The following NOD2 variants were observed in gnomAD, a reference collection of about 807,000 sequenced individuals.
NOD2 encodes the protein nucleotide-binding oligomerization domain-containing protein 2.
NOD2 carries 86 observed loss-of-function variants against 90.9 expected under a neutral mutation model. The observed-to-expected ratio is 0.95, with a 90% confidence interval of 0.79 to 1.13. The LOEUF (loss-of-function observed/expected upper bound fraction) is 1.13. Ranked by LOEUF, NOD2 falls within the 50% of genes most tolerant of loss-of-function variation. NOD2 has a pLI of 0.00. For missense variants in NOD2, 1,238 were observed against 1,283.8 expected, an observed-to-expected ratio of 0.96 and a Z score of 0.55; for synonymous variants, 581 against 554.6, an observed-to-expected ratio of 1.05 and a Z score of -0.67.
chr16:50,722,636 G>T lies in NOD2; in HGVS notation c.2648G>T (p.Arg883Ile), dbSNP rs1354091032. The change falls in exon 8 of 12, where the codon AGA becomes ATA. Residue 883 changes from arginine to isoleucine, a missense_variant. Arg to Ile is a moderately conservative substitution (Grantham distance 97). Coordinates refer to ENST00000647318, the MANE Select transcript of NOD2 (RefSeq NM_001370466.1). ...SLQFLGFWGN[R>I]VGDEGAQALA... ...GGCCTTTTCAGATTCTGGGGCAACAGAGTGGGTGACGAGGGGGCCCAGGCC... is the reference window on the plus strand; with the variant it reads ...GGCCTTTTCAGATTCTGGGGCAACATAGTGGGTGACGAGGGGGCCCAGGCC... 2 of 1,614,122 alleles carry T rather than the reference G, an allele frequency of 1.2e-6. No individual in the cohort carries two copies. The highest frequency in any genetic ancestry group is 1.7e-6 in the Non-Finnish European group (2 of 1,180,042).
Position 50,699,817 on chromosome 16 carries a change from CAG to C in NOD2, c.325_326del (p.His110ProfsTer29), listed in dbSNP as rs1567381106. ...PHSLHPARDL[Q>X]SHRPAIVRRL... ...CTCGCTCCACCCAGCCCGAGACCTGCAGAGTCACCGGCCAGCCATTGTCAGGA... is the reference window on the plus strand; with the variant it reads ...CTCGCTCCACCCAGCCCGAGACCTGCAGTCACCGGCCAGCCATTGTCAGGA... On this transcript the variant is annotated frameshift_variant, in exon 2 of 12. Coordinates refer to ENST00000647318, the MANE Select transcript of NOD2 (RefSeq NM_001370466.1). LOFTEE classifies it high-confidence loss of function. The C allele has an allele frequency of 6.2e-7, 1 of 1,613,708 alleles. No individual in the cohort carries two copies. Among genetic ancestry groups the C allele is most frequent in the Admixed American group, 1.7e-5 (1 of 60,026 alleles).
chr16:50,714,384 G>A (rs551601324), intron 4 of NOD2, among the ~76,000 whole-genome samples: 1 of 152,270 alleles, frequency 6.6e-6, no homozygotes, highest in Non-Finnish European at 1.5e-5. Flanking sequence ...AGTAGGTTTG[G>A]GGTGGGGCCC....
chr16:50,700,726 C>A (rs1050729504), intron 2 of NOD2, among the ~76,000 whole-genome samples: 9 of 152,216 alleles, frequency 5.9e-5, no homozygotes, highest in Non-Finnish European at 1.2e-4. Flanking sequence ...TGTACTTGTA[C>A]ACTTTTATTT....
At chr16:50,697,159 C>CA in intron 1 of NOD2, 1 of 1,145,648 alleles carries the variant, frequency 8.7e-7, no homozygotes, top group South Asian at 1.3e-5. Context: ...CCAGGCTCAC[C>CA]AGTCCTGTGC....
rs993277683 is a variant in NOD2, at chr16:50,732,727, C to G, written c.*908C>G. 6.6e-6 allele frequency: 1 copy of G among 152,372 alleles called. No individual in the cohort carries two copies. The highest frequency in any genetic ancestry group is 2.4e-5 in the African/African-American group (1 of 41,448). The allele number at this position is 152,372 out of a possible 1,614,324, so 9.4% of individuals were successfully genotyped here. On this transcript the variant is annotated 3_prime_UTR_variant, in exon 12 of 12. Coordinates refer to ENST00000647318, the MANE Select transcript of NOD2 (RefSeq NM_001370466.1). ...TTCTGGTTGATGCCTGTGAACTGAA[C>G]TCTGACAACAGACTTCTGAAATAGA...
At chr16:50,696,988 C>G (rs910950249) in intron 1 of NOD2, among the ~76,000 whole-genome samples, 3 of 152,218 alleles carry the variant, frequency 2.0e-5, no homozygotes, top group African/African-American at 2.4e-5. Context: ...TGTCTCATGT[C>G]CCCAGTGGGG....
Position 50,699,484 on chromosome 16 carries a change from C to A in NOD2, c.-8-4C>A. 6.2e-7 allele frequency: 1 copy of A among 1,612,634 alleles called. No homozygotes were observed. The highest frequency in any genetic ancestry group is 8.5e-7 in the Non-Finnish European group (1 of 1,179,770). The stretch of plus-strand genomic sequence containing the variant: ...TCCCGCACTGACCTTGTTCTCCTCC[C>A]CAGGTTGTGAAATGTGCTCGCAGGA... On this transcript the variant is annotated splice_polypyrimidine_tract_variant and splice_region_variant and intron_variant, in intron 1 of 11. Transcript: ENST00000647318.
chr16:50,730,263 C>T (rs919778973), intron 11 of NOD2, among the ~76,000 whole-genome samples: 2 of 152,182 alleles, frequency 1.3e-5, no homozygotes, highest in African/African-American at 4.8e-5. Context: ...AGACCTTCTG[C>T]GGTTCTGAAT....
chr16:50,728,653 C>T (rs1419486027), intron 10 of NOD2, among the ~76,000 whole-genome samples: 1 of 152,186 alleles, frequency 6.6e-6, no homozygotes, highest in Admixed American at 6.5e-5. Flanking sequence ...CTGGCAATTA[C>T]AATTGGCATT....
chr16:50,731,255 A>G (rs765187375), intron 11 of NOD2, among the ~76,000 whole-genome samples: 1 of 152,234 alleles, frequency 6.6e-6, no homozygotes, highest in African/African-American at 2.4e-5. Flanking sequence ...TCTGTGGCCT[A>G]TGACGTCATC....
chr16:50,716,187 C>T lies in NOD2; in HGVS notation c.2382-400C>T, dbSNP rs149096966. ...CTGACCTAGATGATGGTAAATTGTC[C>T]CCAGGGGTAGCCTGTCTAGTTCAGG... is the stretch of plus-strand genomic sequence containing the variant. On this transcript the variant is annotated intron_variant, in intron 4 of 11. Transcript: ENST00000647318. Among the ~76,000 whole-genome samples the T allele has an allele frequency of 2.1e-3, 317 of 152,306 alleles. 2 individuals are homozygous for T. Among genetic ancestry groups the T allele is most frequent in the African/African-American group, 7.2e-3 (299 of 41,556 alleles).
chr16:50,710,797 C>T lies in NOD2; in HGVS notation c.805C>T (p.Leu269=). The T allele has an allele frequency of 6.2e-7, 1 of 1,614,122 alleles. No homozygotes were observed. Among genetic ancestry groups the T allele is most frequent in the Non-Finnish European group, 8.5e-7 (1 of 1,180,036 alleles). Residue 269 remains leucine, a synonymous_variant, in exon 4 of 12, where the codon CTG becomes TTG. Transcript: ENST00000647318. ...CCTCAATGACGATGCGGACACTGTG[C>T]TGGTGGTGGGTGAGGCGGGCAGTGG... ...GHLNDDADTV[L]VVGEAGSGKS...
At chr16:50,719,860 C>A in intron 6 of NOD2, 65 bp from the exon 7 acceptor site, 1 of 1,440,476 alleles carries the variant, frequency 6.9e-7, no homozygotes, top group Non-Finnish European at 9.8e-7. Flanking sequence ...CTGGCCAGGG[C>A]ACAGACGGCC....
chr16:50,699,448 T>G (rs1963818734), intron 1 of NOD2, 40 bp from the exon 2 acceptor site: 1 of 1,584,668 alleles, frequency 6.3e-7, no homozygotes, highest in Non-Finnish European at 8.7e-7. Flanking sequence ...TGCATCTGGC[T>G]TCTGGAGAAG....
intron 6 of NOD2, among the ~76,000 whole-genome samples, chr16:50,717,739 A>C (rs995970407): frequency 2.0e-5 from 3 of 152,246 alleles, no homozygotes; most frequent in Non-Finnish European, 4.4e-5. Context: ...CAAAGGACTC[A>C]GTCCTGCTAC....
At chr16:50,720,995 G>A (rs968405839) in intron 7 of NOD2, among the ~76,000 whole-genome samples, 1 of 152,178 alleles carries the variant, frequency 6.6e-6, no homozygotes, top group Middle Eastern at 3.4e-3. Flanking sequence ...AGTAGAGACA[G>A]GGTTTCACCA....
intron 1 of NOD2, among the ~76,000 whole-genome samples, chr16:50,693,988 T>C (rs572617253): frequency 6.6e-6 from 1 of 152,244 alleles, no homozygotes; most frequent in African/African-American, 2.4e-5. Context: ...TGCTGCTCTC[T>C]GTACCTCTTA....
Position 50,731,827 on chromosome 16 carries a change from G to C in NOD2, c.*8G>C, listed in dbSNP as rs199475923. Reference sequence around the variant, plus strand: ...ACCAGACTCTTGCTTTGAAGTCTCCGGGAGGATGTTCGTCTCAGTTTGTTT... The same window carrying C: ...ACCAGACTCTTGCTTTGAAGTCTCCCGGAGGATGTTCGTCTCAGTTTGTTT... On this transcript the variant is annotated 3_prime_UTR_variant, in exon 12 of 12. Coordinates refer to ENST00000647318, the MANE Select transcript of NOD2 (RefSeq NM_001370466.1). 1.2e-6 allele frequency: 2 copies of C among 1,609,230 alleles called. No individual in the cohort carries two copies. The highest frequency in any genetic ancestry group is 3.3e-5 in the Admixed American group (2 of 60,014).
chr16:50,721,756 G>A (rs1272682036), intron 7 of NOD2, among the ~76,000 whole-genome samples: 1 of 152,174 alleles, frequency 6.6e-6, no homozygotes, highest in African/African-American at 2.4e-5. Context: ...GCCTCCCAAA[G>A]TATTGGGATT....
Sources: allele counts gnomAD v4.1 joint callset (sites outside exome capture counted in the v4.1 genomes callset), GRCh38; gene constraint gnomAD v4.1.1; transcripts MANE v1.5; gene names NCBI Gene and HGNC (gene_info 2026-07-23, HGNC 2026-07-21).